Variants in PREX2 observed in about 807,000 individuals in gnomAD.
The protein encoded by PREX2 is phosphatidylinositol 3,4,5-trisphosphate-dependent Rac exchanger 2 protein.
Under a neutral mutation model 203.2 loss-of-function variants are expected in PREX2, and 107 were observed. That is an observed-to-expected ratio of 0.53 (90% confidence interval 0.45 to 0.62). The LOEUF is 0.62. Ranked by LOEUF, PREX2 falls within the 20% of genes least tolerant of loss-of-function variation. The pLI is 0.00. For synonymous variants in PREX2, 672 were observed against 663.6 expected, an observed-to-expected ratio of 1.01 and a Z score of -0.19; for missense variants, 1,777 against 1,955.9, an observed-to-expected ratio of 0.91 and a Z score of 1.72.
At chr8:68,108,989 TA>T (rs1294817363) in intron 24 of PREX2, 6 of 444,846 alleles carry the variant, frequency 1.3e-5, no homozygotes, top group African/African-American at 2.0e-5. Context: ...ATGAGAAATA[TA>T]AAAAAGTTGA....
rs777503764 is a variant in PREX2, at chr8:68,044,613, A to G, written c.943+23A>G. The G allele has an allele frequency of 1.1e-5, 17 of 1,498,530 alleles. No homozygotes were observed. The East Asian group carries it at 1.6e-4, about 14-fold the overall frequency. 92.8% of individuals were successfully genotyped at this position (1,498,530 alleles called of 1,614,324 possible). A position where few individuals can be genotyped will look rare whatever the true frequency, so the allele number is the denominator to read the frequency against. On this transcript the variant is annotated intron_variant, in intron 8 of 39. Transcript: ENST00000288368. ...CCGGTAAGTGATTTGTAGATTTTAAATGGGATGCCAATAGTAAATAGAAAA... is the reference window on the plus strand; with the variant it reads ...CCGGTAAGTGATTTGTAGATTTTAAGTGGGATGCCAATAGTAAATAGAAAA...
At chr8:68,105,770 A>C in intron 23 of PREX2, 2 of 181,788 alleles carry the variant, frequency 1.1e-5, no homozygotes, top group African/African-American at 2.4e-5. Flanking sequence ...TATATATAAA[A>C]TGGTGGTCCC....
At chr8:68,070,640 A>G (rs1202787882) in intron 13 of PREX2, among the ~76,000 whole-genome samples, 1 of 152,200 alleles carries the variant, frequency 6.6e-6, no homozygotes. Flanking sequence ...CATAGTCCGC[A>G]ACAAAATATG....
intron 26 of PREX2, among the ~76,000 whole-genome samples, chr8:68,118,093 C>G (rs748550461): frequency 6.6e-6 from 1 of 152,106 alleles, no homozygotes; most frequent in Non-Finnish European, 1.5e-5. Flanking sequence ...TGGTGGCTCA[C>G]GCCTGTAATC....
At chr8:68,180,426 G>T (rs1459371289) in intron 35 of PREX2, among the ~76,000 whole-genome samples, 1 of 152,036 alleles carries the variant, frequency 6.6e-6, no homozygotes. Flanking sequence ...CCTGATTTAT[G>T]AATTATTTGT....
intron 7 of PREX2, among the ~76,000 whole-genome samples, chr8:68,042,928 G>A (rs530382030): frequency 2.0e-5 from 3 of 151,964 alleles, no homozygotes; most frequent in Non-Finnish European, 4.4e-5. Flanking sequence ...ACTAAGTGAT[G>A]GATTCTTATA....
intron 1 of PREX2, among the ~76,000 whole-genome samples, chr8:67,957,596 A>G (rs1313752961): frequency 1.3e-5 from 2 of 152,196 alleles, no homozygotes; most frequent in Non-Finnish European, 2.9e-5. Context: ...CTTCCTATGT[A>G]TGCTTTTCTT....
At chr8:68,194,900 A>AGTGCCCAGT (rs150186695) in intron 37 of PREX2, among the ~76,000 whole-genome samples, 37,990 of 151,798 alleles carry the variant, frequency 0.25, 5,855 homozygotes, top group East Asian at 0.4. Flanking sequence ...CAAGTGGGAA[A>AGTGCCCAGT]GTGCCCAGTG....
intron 33 of PREX2, among the ~76,000 whole-genome samples, chr8:68,139,645 G>A (rs1240942556): frequency 6.6e-6 from 1 of 152,156 alleles, no homozygotes; most frequent in African/African-American, 2.4e-5. Flanking sequence ...TCTCCCAGGT[G>A]GGAGAGGATG....
chr8:68,014,359 G>C (rs1290491579), intron 1 of PREX2, among the ~76,000 whole-genome samples: 2 of 152,128 alleles, frequency 1.3e-5, no homozygotes, highest in East Asian at 1.9e-4. Context: ...TGATATCTAG[G>C]AATATTTTTT....
At chr8:67,987,289 G>A (rs73257972) in intron 1 of PREX2, among the ~76,000 whole-genome samples, 3,482 of 151,710 alleles carry the variant, frequency 0.023, 127 homozygotes, top group African/African-American at 0.077. Context: ...AGTTAAGCTA[G>A]CAAGGTATTT....
intron 23 of PREX2, chr8:68,104,993 T>C: frequency 1.9e-6 from 1 of 534,318 alleles, no homozygotes; most frequent in South Asian, 1.9e-5. Context: ...TGGGAGTTTC[T>C]CCAAAGCAGA....
intron 11 of PREX2, among the ~76,000 whole-genome samples, chr8:68,064,510 A>C (rs1160343833): frequency 6.7e-6 from 1 of 149,106 alleles, no homozygotes; most frequent in Non-Finnish European, 1.5e-5. Flanking sequence ...TTGGGACCAC[A>C]GGTGCACGCC....
At chr8:68,052,370 T>C (rs1585740006) in intron 8 of PREX2, among the ~76,000 whole-genome samples, 1 of 152,210 alleles carries the variant, frequency 6.6e-6, no homozygotes, top group East Asian at 1.9e-4. Context: ...ACAGCTACTG[T>C]ATAGGGTTTG....
At chr8:68,133,144 G>GA (rs1167752692) in intron 31 of PREX2, among the ~76,000 whole-genome samples, 1 of 152,210 alleles carries the variant, frequency 6.6e-6, no homozygotes, top group Non-Finnish European at 1.5e-5. Flanking sequence ...GCAGGCAAGA[G>GA]AGAGCAGAGA....
chr8:68,013,534 C>A (rs2129610059), intron 1 of PREX2, among the ~76,000 whole-genome samples: 1 of 152,308 alleles, frequency 6.6e-6, no homozygotes, highest in South Asian at 2.1e-4. Context: ...ATGCCACTAC[C>A]AACCAGGTGT....
chr8:68,057,883 A>G lies in PREX2; in HGVS notation c.1238+1909A>G, dbSNP rs145229167. Among the ~76,000 whole-genome samples the G allele has an allele frequency of 3.1e-3, 465 of 152,314 alleles. 2 individuals are homozygous for G. Among genetic ancestry groups the G allele is most frequent in the East Asian group, 0.022 (115 of 5,186 alleles). On this transcript the variant is annotated intron_variant, in intron 10 of 39. Transcript: ENST00000288368. Reference sequence around the variant, plus strand: ...ATTATAGAAAGTTAGCCCAGGGTCAAGTTTGTTCTTATTGAAGAAGAATAG... The same window carrying G: ...ATTATAGAAAGTTAGCCCAGGGTCAGGTTTGTTCTTATTGAAGAAGAATAG...
At chr8:68,076,896 A>G (rs1430872858) in intron 14 of PREX2, among the ~76,000 whole-genome samples, 1 of 152,162 alleles carries the variant, frequency 6.6e-6, no homozygotes, top group East Asian at 1.9e-4. Context: ...TAGCTCAGCC[A>G]AACGATTTAC....
At chr8:68,048,072 A>C (rs1808422481) in intron 8 of PREX2, among the ~76,000 whole-genome samples, 1 of 152,028 alleles carries the variant, frequency 6.6e-6, no homozygotes, top group South Asian at 2.1e-4. Context: ...TTATTAATTA[A>C]TTCCTATATT....
Sources: gnomAD v4.1 joint callset for allele counts (sites outside exome capture counted in the v4.1 genomes callset) on GRCh38, gnomAD v4.1.1 for gene constraint, MANE v1.5 for transcripts, NCBI Gene and HGNC (gene_info 2026-07-23, HGNC 2026-07-21) for gene names.